Variants in ZNRF3 observed in about 807,000 individuals in gnomAD.
ZNRF3 encodes E3 ubiquitin-protein ligase ZNRF3.
ZNRF3 carries 23 observed loss-of-function variants against 72.5 expected under a neutral mutation model. That is an observed-to-expected ratio of 0.32 (90% CI 0.23 to 0.45). ZNRF3 has a LOEUF of 0.45. Among genes scored for constraint, ZNRF3 ranks in the 20% least tolerant of loss-of-function variants. The pLI, the probability that ZNRF3 is intolerant of heterozygous loss-of-function variation, is 1.00. For missense variants in ZNRF3, 1,169 were observed against 1,272.1 expected, an observed-to-expected ratio of 0.92 and a Z score of 1.23; for synonymous variants, 610 against 545.3, an observed-to-expected ratio of 1.12 and a Z score of -1.65.
intron 1 of ZNRF3, among the ~76,000 whole-genome samples, chr22:28,950,207 T>C (rs1469564014): frequency 6.6e-6 from 1 of 152,214 alleles, no homozygotes; most frequent in Non-Finnish European, 1.5e-5. Flanking sequence ...TTTGTGTTAT[T>C]ACAAAAATGG....
At position 28,980,228 on chromosome 22, in the gene ZNRF3, G is replaced by C. The variant is rs530558721; in HGVS notation, c.301-6848G>C. ...TTGGAGACTCAGAAGGGTGGGTGGA[G>C]GGGGGGAAGGGGAATGGATTATGGG... is the stretch of plus-strand genomic sequence containing the variant. On this transcript the variant is annotated intron_variant, in intron 1 of 8. Transcript: ENST00000544604. Among the ~76,000 whole-genome samples the C allele has an allele frequency of 5.3e-5, 8 of 152,094 alleles. No homozygotes were observed. In the South Asian group the frequency reaches 1.5e-3, roughly 28 times the overall value.
At chr22:28,935,846 G>C (rs1397943453) in intron 1 of ZNRF3, among the ~76,000 whole-genome samples, 3 of 152,084 alleles carry the variant, frequency 2.0e-5, no homozygotes, top group Non-Finnish European at 4.4e-5. Context: ...CCGAATTCCC[G>C]ACCATCCCAC....
In ZNRF3 at chr22:29,056,948, A is replaced by G. The variant is rs941798008; in HGVS notation, c.*3326A>G. 6.6e-6 allele frequency: 1 copy of G among 152,230 alleles called. No individual in the cohort carries two copies. Among genetic ancestry groups the G allele is most frequent in the Admixed American group, 6.5e-5 (1 of 15,278 alleles). The allele number at this position is 152,230 out of a possible 1,614,324, so 9.4% of individuals were successfully genotyped here. The stretch of plus-strand genomic sequence containing the variant: ...ACTAATGCTTTTAAAATGAGGTCTA[A>G]AAAATAATTACTAGTCGAGACTATT... On this transcript the variant is annotated 3_prime_UTR_variant, in exon 9 of 9. Coordinates refer to ENST00000544604, the MANE Select transcript of ZNRF3 (RefSeq NM_001206998.2).
chr22:28,990,282 G>T (rs894090243), intron 2 of ZNRF3, among the ~76,000 whole-genome samples: 1 of 152,154 alleles, frequency 6.6e-6, no homozygotes, highest in Non-Finnish European at 1.5e-5. Context: ...ATTCTAGTTC[G>T]GAGAGATTCT....
chr22:28,973,948 T>G (rs928157330), intron 1 of ZNRF3, among the ~76,000 whole-genome samples: 2 of 139,102 alleles, frequency 1.4e-5, no homozygotes, highest in African/African-American at 5.1e-5. Context: ...CATCTCTCTC[T>G]CTCTCTTTTT....
chr22:28,967,070 C>T (rs61162472), intron 1 of ZNRF3, among the ~76,000 whole-genome samples: 2,014 of 151,984 alleles, frequency 0.013, 43 homozygotes, highest in African/African-American at 0.046. Context: ...TTAGTAGAAA[C>T]GGGGTTTCAC....
chr22:28,961,593 C>A (rs1397080141), intron 1 of ZNRF3, among the ~76,000 whole-genome samples: 1 of 152,134 alleles, frequency 6.6e-6, no homozygotes, highest in Non-Finnish European at 1.5e-5. Context: ...AGTATGACAT[C>A]TTGGTTTTAT....
At chr22:28,923,007 CT>C (rs900207605) in intron 1 of ZNRF3, among the ~76,000 whole-genome samples, 2 of 152,114 alleles carry the variant, frequency 1.3e-5, no homozygotes, top group African/African-American at 4.8e-5. Flanking sequence ...AAAAACTGGC[CT>C]TGTGACATAG....
At chr22:28,895,792 G>A (rs1464530730) in intron 1 of ZNRF3, among the ~76,000 whole-genome samples, 1 of 152,190 alleles carries the variant, frequency 6.6e-6, no homozygotes, top group African/African-American at 2.4e-5. Context: ...CGGGGGAGGG[G>A]TGGTCTTTCT....
At chr22:28,905,955 G>A (rs925639166) in intron 1 of ZNRF3, among the ~76,000 whole-genome samples, 1 of 152,214 alleles carries the variant, frequency 6.6e-6, no homozygotes, top group African/African-American at 2.4e-5. Flanking sequence ...GCTCAGGACT[G>A]TGTCTTATAG....
chr22:28,937,124 A>G (rs1396699928), intron 1 of ZNRF3, among the ~76,000 whole-genome samples: 1 of 149,310 alleles, frequency 6.7e-6, no homozygotes, highest in Non-Finnish European at 1.5e-5. Context: ...TGGAGGCCAT[A>G]CATTTGAAGA....
At chr22:28,947,443 C>G (rs1191940459) in intron 1 of ZNRF3, among the ~76,000 whole-genome samples, 1 of 152,188 alleles carries the variant, frequency 6.6e-6, no homozygotes, top group East Asian at 1.9e-4. Flanking sequence ...TGTTTTCCAA[C>G]ATATCTATAC....
chr22:29,006,219 T>C (rs1420004404), intron 2 of ZNRF3, among the ~76,000 whole-genome samples: 1 of 148,658 alleles, frequency 6.7e-6, no homozygotes, highest in African/African-American at 2.5e-5. Flanking sequence ...GTTTCTTTTT[T>C]TTTTTTTTTT....
At chr22:28,987,333 A>C in intron 2 of ZNRF3, 132 bp downstream of exon 2, 1 of 1,385,716 alleles carries the variant, frequency 7.2e-7, no homozygotes. Context: ...CTGAAGTTGC[A>C]TGAGGTGGGG....
At chr22:29,050,977 A>C (rs1280133736) in intron 8 of ZNRF3, 29 bp downstream of exon 8, 1 of 1,497,784 alleles carries the variant, frequency 6.7e-7, no homozygotes, top group South Asian at 1.3e-5. Context: ...AGTAGGTCAG[A>C]GCAGGAGTTT....
chr22:28,920,779 C>T (rs1383370328), intron 1 of ZNRF3, among the ~76,000 whole-genome samples: 4 of 152,208 alleles, frequency 2.6e-5, no homozygotes, highest in Admixed American at 6.5e-5. Context: ...CAGGGATTGA[C>T]GGGTAGCCTG....
intron 1 of ZNRF3, among the ~76,000 whole-genome samples, chr22:28,948,269 A>T (rs1424227827): frequency 6.6e-6 from 1 of 152,082 alleles, no homozygotes; most frequent in Non-Finnish European, 1.5e-5. Flanking sequence ...GGCTCAAGTG[A>T]TCCTGCTGCC....
intron 1 of ZNRF3, among the ~76,000 whole-genome samples, chr22:28,945,981 C>T (rs1759616346): frequency 6.6e-6 from 1 of 152,100 alleles, no homozygotes; most frequent in South Asian, 2.1e-4. Context: ...GATTGTGTAT[C>T]CTTAATCTGA....
chr22:28,902,157 G>A (rs1346522108), intron 1 of ZNRF3, among the ~76,000 whole-genome samples: 3 of 151,998 alleles, frequency 2.0e-5, no homozygotes, highest in Admixed American at 2.0e-4. Context: ...GGCTGGTCTT[G>A]AACTCCTGAC....
Sources: allele counts gnomAD v4.1 joint callset (sites outside exome capture counted in the v4.1 genomes callset), GRCh38; gene constraint gnomAD v4.1.1; transcripts MANE v1.5; gene names NCBI Gene and HGNC (gene_info 2026-07-23, HGNC 2026-07-21).